AGMO: variants seen among roughly 807,000 people sequenced by gnomAD.
The protein encoded by AGMO is glyceryl-ether monooxygenase.
In AGMO, 75 loss-of-function variants were observed where a neutral mutation model predicts 60.2. The observed-to-expected ratio is 1.25, with a 90% CI of 1.03 to 1.51. The LOEUF is 1.51. Ranked by LOEUF, AGMO falls within the 40% of genes most tolerant of loss-of-function variation. The pLI is 0.00. For missense variants in AGMO, 763 were observed against 525.5 expected, an observed-to-expected ratio of 1.45 and a Z score of -4.42; for synonymous variants, 261 against 177.1, an observed-to-expected ratio of 1.47 and a Z score of -3.76.
chr7:15,299,409 AG>A (rs1290786091), intron 12 of AGMO, among the ~76,000 whole-genome samples: 6 of 152,062 alleles, frequency 3.9e-5, no homozygotes, highest in Admixed American at 6.6e-5. Context: ...ACACCTTGAG[AG>A]AAAATATGTA....
chr7:15,543,214 T>A (rs1784680067), intron 3 of AGMO, among the ~76,000 whole-genome samples: 1 of 152,182 alleles, frequency 6.6e-6, no homozygotes, highest in Non-Finnish European at 1.5e-5. Context: ...TCAGTAGTTT[T>A]TCAAGATTAG....
In AGMO at chr7:15,547,971, G is replaced by A. The variant is rs1046603586; in HGVS notation, c.258-3048C>T. On this transcript the variant is annotated intron_variant, in intron 2 of 12. Coordinates refer to ENST00000342526, the MANE Select transcript of AGMO (RefSeq NM_001004320.2). Reference sequence around the variant, plus strand: ...TCCCAGCACGCAGCTGGAGATCTGAGAACAGGCAGACTGCCTCCTCAAGTG... The same window carrying A: ...TCCCAGCACGCAGCTGGAGATCTGAAAACAGGCAGACTGCCTCCTCAAGTG... 2.4e-4 allele frequency among the ~76,000 whole-genome samples: 35 copies of A among 146,916 alleles called. No homozygotes were observed. In the East Asian group the frequency reaches 4.1e-3, roughly 17 times the overall value.
intron 3 of AGMO, among the ~76,000 whole-genome samples, chr7:15,479,083 A>G (rs2128516352): frequency 6.6e-6 from 1 of 152,336 alleles, no homozygotes; most frequent in Admixed American, 6.5e-5. Context: ...TTTCATCAAA[A>G]TAAATATAAA....
At chr7:15,195,610 A>G (rs1192742963), downstream of AGMO, among the ~76,000 whole-genome samples, 2 of 152,194 alleles carry the variant, frequency 1.3e-5, no homozygotes, top group Non-Finnish European at 2.9e-5. Context: ...CGTTTTGAAC[A>G]TGCCTAGTCC....
rs370529638 is a variant in AGMO, at chr7:15,220,583, T to C, written c.1264-19224A>G. ...TTGTTCCTATTTAAAGTGCTTGGCA[T>C]ACTGTCTTGTGCATGTTAAGGACAC... On this transcript the variant is annotated intron_variant, in intron 12 of 12. Coordinates refer to ENST00000342526, the MANE Select transcript of AGMO (RefSeq NM_001004320.2). 4.6e-5 allele frequency among the ~76,000 whole-genome samples: 7 copies of C among 152,142 alleles called. No homozygotes were observed. The East Asian group carries it at 7.7e-4, about 17-fold the overall frequency.
At chr7:15,135,302 G>A in the AGMO span, among the ~76,000 whole-genome samples, 1 of 151,992 alleles carries the variant, frequency 6.6e-6, no homozygotes, top group Admixed American at 6.6e-5. Context: ...AACCCGGGAA[G>A]CTATCGAAGC....
intron 12 of AGMO, among the ~76,000 whole-genome samples, chr7:15,276,444 T>C (rs892216827): frequency 5.3e-5 from 8 of 152,138 alleles, no homozygotes; most frequent in African/African-American, 1.9e-4. Context: ...ATTTGATGTT[T>C]CTCTCTAGCT....
In AGMO at chr7:15,493,362, C is replaced by CACACACACACAT. The variant is rs71004386; in HGVS notation, c.409+51409_409+51410insATGTGTGTGTGT. On this transcript the variant is annotated intron_variant, in intron 3 of 12. Transcript: ENST00000342526. ...ACACACACACACACACACACACACA[C>CACACACACACAT]TTCTTTTTTTTTTTTTTTTTTTTTT... is the stretch of plus-strand genomic sequence containing the variant. Among the ~76,000 whole-genome samples the CACACACACACAT allele has an allele frequency of 2.8e-3, 291 of 102,254 alleles. 6 individuals carry two copies. Among genetic ancestry groups the CACACACACACAT allele is most frequent in the African/African-American group, 7.9e-3 (198 of 24,948 alleles). The allele number at this position is 102,254 out of a possible 152,430, so 67.1% of individuals were successfully genotyped here.
chr7:15,371,010 G>A (rs1197719988), intron 10 of AGMO, among the ~76,000 whole-genome samples: 1 of 152,006 alleles, frequency 6.6e-6, no homozygotes, highest in Non-Finnish European at 1.5e-5. Flanking sequence ...CAAAAGCAAT[G>A]GGGAAAAGAC....
At chr7:15,397,649 A>G (rs1431239402) in intron 5 of AGMO, among the ~76,000 whole-genome samples, 1 of 151,768 alleles carries the variant, frequency 6.6e-6, no homozygotes, top group African/African-American at 2.4e-5. Flanking sequence ...TCTTTTTTCT[A>G]ATCTGGGGTG....
the AGMO span, among the ~76,000 whole-genome samples, chr7:15,190,145 A>T: frequency 6.4e-4 from 1 of 1,568 alleles, no homozygotes; most frequent in Non-Finnish European, 1.2e-3. Context: ...ATATATATAT[A>T]TATATATATA....
At chr7:15,144,629 C>T in the AGMO span, among the ~76,000 whole-genome samples, 1 of 152,112 alleles carries the variant, frequency 6.6e-6, no homozygotes, top group African/African-American at 2.4e-5. Flanking sequence ...TTATATTTAC[C>T]TCTAGTTGCA....
At chr7:15,217,931 T>G (rs1309003117) in intron 12 of AGMO, among the ~76,000 whole-genome samples, 1 of 152,060 alleles carries the variant, frequency 6.6e-6, no homozygotes, top group African/African-American at 2.4e-5. Context: ...GGGGTACATA[T>G]GAAGAATTGT....
intron 12 of AGMO, among the ~76,000 whole-genome samples, chr7:15,214,770 C>T (rs1203014745): frequency 6.6e-6 from 1 of 151,988 alleles, no homozygotes; most frequent in Non-Finnish European, 1.5e-5. Context: ...GTGGAATACA[C>T]CTTGCAATTG....
chr7:15,376,887 C>T (rs1783477590), intron 10 of AGMO, among the ~76,000 whole-genome samples: 2 of 152,046 alleles, frequency 1.3e-5, no homozygotes, highest in South Asian at 4.1e-4. Flanking sequence ...TTGCAAGTTT[C>T]AGTAAGAAAG....
intron 12 of AGMO, among the ~76,000 whole-genome samples, chr7:15,364,591 C>T (rs1782897747): frequency 1.3e-5 from 2 of 152,118 alleles, no homozygotes; most frequent in East Asian, 1.9e-4. Context: ...ATTGCATATA[C>T]ACCGATTCGC....
chr7:15,120,165 T>G, the AGMO span, among the ~76,000 whole-genome samples: 3 of 152,054 alleles, frequency 2.0e-5, no homozygotes, highest in Admixed American at 6.6e-5. Context: ...TTTTTTTAGA[T>G]CTTTCATTTA....
At chr7:15,396,458 G>C (rs1583506374) in intron 5 of AGMO, 2 of 152,296 alleles carry the variant, frequency 1.3e-5, no homozygotes, top group South Asian at 4.1e-4. Flanking sequence ...CACCTTCCGG[G>C]TGAGCATTAC....
At chr7:15,282,525 A>T (rs1783996440) in intron 12 of AGMO, among the ~76,000 whole-genome samples, 1 of 152,180 alleles carries the variant, frequency 6.6e-6, no homozygotes, top group Non-Finnish European at 1.5e-5. Context: ...CAGAAAAATA[A>T]TAAAGAAAAA....
Sources: gnomAD v4.1 joint callset for allele counts (sites outside exome capture counted in the v4.1 genomes callset) on GRCh38, gnomAD v4.1.1 for gene constraint, MANE v1.5 for transcripts, NCBI Gene and HGNC (gene_info 2026-07-23, HGNC 2026-07-21) for gene names.